The following TAOK3 variants were observed in gnomAD, a reference collection of about 807,000 sequenced individuals.
TAOK3 encodes the protein TAO kinase 3, also known as serine/threonine-protein kinase TAO3.
A neutral mutation model predicts 120.4 loss-of-function variants in TAOK3; 40 were observed. The observed-to-expected ratio is 0.33, with a 90% confidence interval of 0.26 to 0.43. The LOEUF is 0.43. Among genes scored for constraint, TAOK3 ranks in the 20% least tolerant of loss-of-function variants. The pLI, the probability that TAOK3 is intolerant of heterozygous loss-of-function variation, is 1.00. For missense variants in TAOK3, 821 were observed against 1,112.1 expected (o/e 0.74, Z 3.72); for synonymous variants, 355 against 387.5 (o/e 0.92, Z 0.99).
In TAOK3 at chr12:118,315,066, G is replaced by A. The variant is rs1014323141; in HGVS notation, c.-193-48307C>T. ...CTGTCTCAGCCTCCCGACTAGCTGGGATTACAGGCATGTGCCACCACCCCT... is the reference window on the plus strand; with the variant it reads ...CTGTCTCAGCCTCCCGACTAGCTGGAATTACAGGCATGTGCCACCACCCCT... On this transcript the variant is annotated intron_variant, in intron 1 of 20. Transcript: ENST00000392533. Among the ~76,000 whole-genome samples, 3 of 152,090 alleles carry A rather than the reference G, an allele frequency of 2.0e-5. No homozygotes were observed. In the East Asian group the frequency reaches 5.8e-4, roughly 29 times the overall value.
chr12:118,267,935 A>G (rs998918692), intron 1 of TAOK3, among the ~76,000 whole-genome samples: 18 of 151,844 alleles, frequency 1.2e-4, no homozygotes, highest in African/African-American at 4.1e-4. Context: ...CTATCCAGGC[A>G]AAACTCCATT....
intron 2 of TAOK3, among the ~76,000 whole-genome samples, chr12:118,261,921 C>A (rs904203009): frequency 9.2e-5 from 14 of 152,032 alleles, no homozygotes; most frequent in African/African-American, 1.4e-4. Context: ...AGTGCAGTGG[C>A]ACGATCTTGG....
rs181343940 is a variant in TAOK3, at chr12:118,355,587, C to A, written c.-194+17061G>T. ...GGGCATAAATAAGATCGGTGGATTT[C>A]ATCCCTGTGTTCCCTGGTACTTTCT... On this transcript the variant is annotated intron_variant, in intron 1 of 20. Coordinates refer to ENST00000392533, the MANE Select transcript of TAOK3 (RefSeq NM_016281.4). Among the ~76,000 whole-genome samples the A allele has an allele frequency of 8.5e-5, 13 of 152,328 alleles. No homozygotes were observed. The East Asian group carries it at 1.5e-3, about 18-fold the overall frequency.
chr12:118,353,192 T>C (rs938793292), intron 1 of TAOK3, among the ~76,000 whole-genome samples: 8 of 152,148 alleles, frequency 5.3e-5, no homozygotes, highest in Non-Finnish European at 1.2e-4. Flanking sequence ...CTACACAGAT[T>C]TTTGTTCATT....
chr12:118,267,520 G>A (rs1482394100), intron 1 of TAOK3, among the ~76,000 whole-genome samples: 1 of 151,122 alleles, frequency 6.6e-6, no homozygotes, highest in Non-Finnish European at 1.5e-5. Flanking sequence ...CGGCTGGAGT[G>A]ATGATTATTT....
intron 19 of TAOK3, among the ~76,000 whole-genome samples, chr12:118,154,391 A>C (rs1473226099): frequency 6.6e-6 from 1 of 152,178 alleles, no homozygotes; most frequent in African/African-American, 2.4e-5. Context: ...AGGATATTCC[A>C]GCATTTAGTT....
At position 118,238,106 on chromosome 12, in the gene TAOK3, A is replaced by C; in HGVS notation, c.404T>G (p.Leu135Arg). The part of the protein sequence containing the change: ...AAITHGALHG[L>R]AYLHSHALIH... ...CAATGCATGAGAATGTAGGTAGGCT[A>C]GTCCATGCAAGGCTCCATGAGTAAT... Residue 135 changes from leucine (L) to arginine (R), a missense_variant, in exon 7 of 21, where the codon CTA becomes CGA. Coordinates refer to ENST00000392533, the MANE Select transcript of TAOK3 (RefSeq NM_016281.4). 1 of 1,611,966 alleles carries C rather than the reference A, an allele frequency of 6.2e-7. No individual in the cohort carries two copies. The highest frequency in any genetic ancestry group is 8.5e-7 in the Non-Finnish European group (1 of 1,178,358).
chr12:118,292,453 A>T (rs1208301815), intron 1 of TAOK3, among the ~76,000 whole-genome samples: 2 of 152,174 alleles, frequency 1.3e-5, no homozygotes, highest in Non-Finnish European at 2.9e-5. Context: ...CAACATCATC[A>T]TCACCACACT....
At chr12:118,173,632 G>T (rs2036142154) in intron 16 of TAOK3, among the ~76,000 whole-genome samples, 1 of 152,182 alleles carries the variant, frequency 6.6e-6, no homozygotes, top group Non-Finnish European at 1.5e-5. Context: ...CTTCACTTGG[G>T]ATTATAGAGT....
rs1565987888 is a variant in TAOK3 at position 118,233,753 on chromosome 12, C to T, written c.564G>A (p.Glu188=). 4 of 1,603,198 alleles carry T rather than the reference C, an allele frequency of 2.5e-6. No individual in the cohort carries two copies. The highest frequency in any genetic ancestry group is 3.4e-6 in the Non-Finnish European group (4 of 1,176,286). Residue 188 remains glutamate (E), a synonymous_variant, in exon 9 of 21, where the codon GAG becomes GAA. Transcript: ENST00000392533. ...FVGTPYWMAP[E]VILAMDEGQY... ...GTCCTTCATCCATAGCTAAGATCAC[C>T]TCTGGAGCCATCCTACCAAACATAA...
intron 19 of TAOK3, among the ~76,000 whole-genome samples, chr12:118,153,071 T>TA (rs992692861): frequency 2.6e-5 from 4 of 152,194 alleles, no homozygotes; most frequent in African/African-American, 9.6e-5. Context: ...TTGTTGGCTA[T>TA]AAAAGTTACA....
intron 9 of TAOK3, among the ~76,000 whole-genome samples, chr12:118,227,730 C>T (rs2039575748): frequency 6.6e-6 from 1 of 152,206 alleles, no homozygotes; most frequent in East Asian, 1.9e-4. Context: ...GGATCATCTG[C>T]ATCCCAGACT....
chr12:118,308,931 CAAAAA>C (rs60574584), intron 1 of TAOK3, among the ~76,000 whole-genome samples: 357 of 29,978 alleles, frequency 0.012, no homozygotes, highest in Non-Finnish European at 0.02. Context: ...ACTCTGTCTC[CAAAAA>C]AAAAAAAAAA....
At chr12:118,307,303 C>G (rs1007506724) in intron 1 of TAOK3, among the ~76,000 whole-genome samples, 3 of 151,842 alleles carry the variant, frequency 2.0e-5, no homozygotes, top group Non-Finnish European at 4.4e-5. Flanking sequence ...CAGATCTAAC[C>G]AGTAGTCTAA....
At chr12:118,246,040 G>GA in intron 3 of TAOK3, 1 of 808,244 alleles carries the variant, frequency 1.2e-6, no homozygotes, top group East Asian at 2.8e-5. Context: ...TATACGTGTA[G>GA]AAAAAATTAT....
At chr12:118,286,131 T>C (rs1425291471) in intron 1 of TAOK3, among the ~76,000 whole-genome samples, 2 of 152,178 alleles carry the variant, frequency 1.3e-5, no homozygotes, top group East Asian at 3.8e-4. Flanking sequence ...CTTAGTGATT[T>C]GGGGGCTCCA....
At chr12:118,155,120 T>A (rs533714688) in intron 19 of TAOK3, among the ~76,000 whole-genome samples, 1 of 151,982 alleles carries the variant, frequency 6.6e-6, no homozygotes, top group Non-Finnish European at 1.5e-5. Context: ...CTCAGCCTCC[T>A]GAGTAGCTGG....
intron 1 of TAOK3, among the ~76,000 whole-genome samples, chr12:118,322,549 A>G (rs1324937775): frequency 6.6e-6 from 1 of 151,454 alleles, no homozygotes; most frequent in African/African-American, 2.4e-5. Flanking sequence ...TAACTATTCA[A>G]CTCTGTGTTG....
Position 118,201,395 on chromosome 12 carries a change from TGCATC to T in TAOK3, c.883_887del (p.Asp295SerfsTer3). 6.2e-7 allele frequency: 1 copy of T among 1,614,158 alleles called. No individual in the cohort carries two copies. Among genetic ancestry groups the T allele is most frequent in the Non-Finnish European group, 8.5e-7 (1 of 1,179,998 alleles). On this transcript the variant is annotated frameshift_variant, in exon 12 of 21. Coordinates refer to ENST00000392533, the MANE Select transcript of TAOK3 (RefSeq NM_016281.4). LOFTEE classifies it high-confidence loss of function. ...ACTGTAGGTTATCTAGCTCACGAACTGCATCTTTTGTCCTCTGTATGAGGTCAATG... is the reference window on the plus strand; with the variant it reads ...ACTGTAGGTTATCTAGCTCACGAACTTTTTGTCCTCTGTATGAGGTCAATG...
Sources: gnomAD v4.1 joint callset for allele counts (sites outside exome capture counted in the v4.1 genomes callset) on GRCh38, gnomAD v4.1.1 for gene constraint, MANE v1.5 for transcripts, NCBI Gene and HGNC (gene_info 2026-07-23, HGNC 2026-07-21) for gene names.